Variants in DOK6 observed in about 807,000 individuals in gnomAD.
DOK6 encodes the protein docking protein 6, also known as downstream of tyrosine kinase 6.
Under a neutral mutation model 44.0 loss-of-function variants are expected in DOK6, and 22 were observed. That is an observed-to-expected ratio of 0.50 (90% CI 0.36 to 0.71). DOK6 has a LOEUF of 0.71. Ranked by LOEUF, DOK6 falls within the 30% of genes least tolerant of loss-of-function variation. DOK6 has a pLI of 0.00. For synonymous variants in DOK6, 166 were observed against 145.5 expected (o/e 1.14, Z -1.01); for missense variants, 340 against 416.4 (o/e 0.82, Z 1.60).
At chr18:69,655,509 T>C (rs550714951) in intron 3 of DOK6, among the ~76,000 whole-genome samples, 9 of 151,786 alleles carry the variant, frequency 5.9e-5, no homozygotes, top group Middle Eastern at 3.4e-3. Flanking sequence ...TCCCAGCATG[T>C]TGGGAGGTCG....
chr18:69,673,166 A>G (rs1413868540), intron 3 of DOK6, among the ~76,000 whole-genome samples: 2 of 152,070 alleles, frequency 1.3e-5, no homozygotes, highest in Non-Finnish European at 2.9e-5. Flanking sequence ...AATAACATGA[A>G]ACTGATGCAG....
intron 2 of DOK6, among the ~76,000 whole-genome samples, chr18:69,582,302 A>G (rs1159162767): frequency 2.0e-5 from 3 of 152,218 alleles, no homozygotes; most frequent in Non-Finnish European, 4.4e-5. Flanking sequence ...AAAGCTATAC[A>G]AATTTCTAGC....
chr18:69,582,521 T>TCTTC (rs948944564), intron 2 of DOK6, among the ~76,000 whole-genome samples: 7 of 152,226 alleles, frequency 4.6e-5, no homozygotes, highest in African/African-American at 1.7e-4. Context: ...CTCTTTTTCA[T>TCTTC]CTTCCTTCCT....
intron 2 of DOK6, among the ~76,000 whole-genome samples, chr18:69,593,890 T>C (rs1983679050): frequency 6.6e-6 from 1 of 152,226 alleles, no homozygotes; most frequent in African/African-American, 2.4e-5. Flanking sequence ...TATCTTTTTA[T>C]GTAAATTCTT....
At chr18:69,557,182 ACTTT>A (rs1982707428) in intron 1 of DOK6, among the ~76,000 whole-genome samples, 1 of 152,186 alleles carries the variant, frequency 6.6e-6, no homozygotes, top group Non-Finnish European at 1.5e-5. Flanking sequence ...CAAGGAACAA[ACTTT>A]CTAACACCCC....
At chr18:69,603,844 G>C (rs76024151) in intron 3 of DOK6, among the ~76,000 whole-genome samples, 6 of 148,754 alleles carry the variant, frequency 4.0e-5, no homozygotes. Flanking sequence ...CCAAAAAGTT[G>C]ACATTAAAAT....
chr18:69,463,723 G>T (rs1979850323), intron 1 of DOK6, among the ~76,000 whole-genome samples: 1 of 151,792 alleles, frequency 6.6e-6, no homozygotes. Context: ...GTATGTGTAT[G>T]TATATGCATA....
intron 5 of DOK6, among the ~76,000 whole-genome samples, chr18:69,731,264 A>C (rs1456488573): frequency 6.6e-6 from 1 of 152,170 alleles, no homozygotes; most frequent in Non-Finnish European, 1.5e-5. Context: ...TATGAGAACA[A>C]ATATAATTCA....
intron 7 of DOK6, among the ~76,000 whole-genome samples, chr18:69,771,525 T>C (rs922958007): frequency 3.4e-4 from 51 of 152,188 alleles, no homozygotes; most frequent in African/African-American, 1.2e-3. Context: ...ATGTGTATAA[T>C]GTTTATAATA....
intron 5 of DOK6, 129 bp downstream of exon 5, chr18:69,698,722 A>G (rs1599270253): frequency 3.8e-6 from 3 of 787,122 alleles, no homozygotes; most frequent in South Asian, 7.0e-5. Context: ...GGTAAAAGTT[A>G]CCAAATACAT....
At chr18:69,472,916 G>A (rs888195752) in intron 1 of DOK6, among the ~76,000 whole-genome samples, 4 of 152,046 alleles carry the variant, frequency 2.6e-5, no homozygotes, top group South Asian at 2.1e-4. Flanking sequence ...TGTATGTTTC[G>A]TTCTTATCCA....
chr18:69,689,753 T>C (rs1986225462), intron 4 of DOK6, among the ~76,000 whole-genome samples: 1 of 152,182 alleles, frequency 6.6e-6, no homozygotes, highest in South Asian at 2.1e-4. Flanking sequence ...GACTGAATTA[T>C]TCAGCAAATT....
intron 1 of DOK6, among the ~76,000 whole-genome samples, chr18:69,534,855 A>AT (rs1982077796): frequency 6.6e-6 from 1 of 152,168 alleles, no homozygotes; most frequent in Non-Finnish European, 1.5e-5. Flanking sequence ...TATATAAGAC[A>AT]TAAAATTATT....
intron 3 of DOK6, among the ~76,000 whole-genome samples, chr18:69,672,722 C>T (rs1391761520): frequency 7.8e-6 from 1 of 127,760 alleles, no homozygotes; most frequent in Non-Finnish European, 1.7e-5. Flanking sequence ...GGGGTGGGGG[C>T]GGTGGGGAAA....
At chr18:69,539,394 T>TA (rs1982206980) in intron 1 of DOK6, among the ~76,000 whole-genome samples, 1 of 152,048 alleles carries the variant, frequency 6.6e-6, no homozygotes, top group Non-Finnish European at 1.5e-5. Context: ...TTTGTAGTTC[T>TA]AGAGTTTTTT....
chr18:69,762,191 A>G (rs1055132224), intron 7 of DOK6, among the ~76,000 whole-genome samples: 4 of 151,078 alleles, frequency 2.6e-5, no homozygotes, highest in African/African-American at 9.8e-5. Flanking sequence ...ACATACATAC[A>G]TATTGCAGGG....
At chr18:69,774,675 G>C (rs1765497896) in intron 7 of DOK6, among the ~76,000 whole-genome samples, 1 of 151,914 alleles carries the variant, frequency 6.6e-6, no homozygotes, top group African/African-American at 2.4e-5. Flanking sequence ...GCGTGCAACA[G>C]AGAGATGTTA....
intron 1 of DOK6, among the ~76,000 whole-genome samples, chr18:69,506,951 T>C (rs1280085276): frequency 6.6e-6 from 1 of 152,086 alleles, no homozygotes; most frequent in Non-Finnish European, 1.5e-5. Flanking sequence ...TTTTGGATTA[T>C]ATTGTATTTC....
intron 7 of DOK6, among the ~76,000 whole-genome samples, chr18:69,822,809 C>T (rs943006034): frequency 6.6e-6 from 1 of 152,096 alleles, no homozygotes; most frequent in Admixed American, 6.6e-5. Flanking sequence ...TTTAAAAATA[C>T]TTTAAATTGT....
Sources: allele counts gnomAD v4.1 joint callset (sites outside exome capture counted in the v4.1 genomes callset), GRCh38; gene constraint gnomAD v4.1.1; transcripts MANE v1.5; gene names NCBI Gene and HGNC (gene_info 2026-07-23, HGNC 2026-07-21).